DIAPH3: variants seen among roughly 807,000 people sequenced by gnomAD.
DIAPH3 encodes the protein protein diaphanous homolog 3.
DIAPH3 carries 117 observed loss-of-function variants against 144.3 expected under a neutral mutation model. The ratio of observed to expected loss-of-function variants is 0.81; its 90% CI spans 0.70 to 0.95. The LOEUF is 0.95. Among genes scored for constraint, DIAPH3 ranks in the 40% least tolerant of loss-of-function variants. DIAPH3 has a pLI of 0.00. For missense variants in DIAPH3, 1,421 were observed against 1,412.7 expected (o/e 1.01, Z -0.09); for synonymous variants, 519 against 488.9 (o/e 1.06, Z -0.81).
At chr13:59,844,219 T>G (rs985459983) in intron 22 of DIAPH3, among the ~76,000 whole-genome samples, 2 of 152,008 alleles carry the variant, frequency 1.3e-5, no homozygotes, top group African/African-American at 4.8e-5. Flanking sequence ...ATTTTTCACA[T>G]GTATCAGGTT....
intron 12 of DIAPH3, 125 bp from the exon 13 acceptor site, chr13:59,984,012 GAC>G (rs1296466567): frequency 3.0e-6 from 2 of 673,338 alleles, no homozygotes; most frequent in African/African-American, 3.6e-5. Context: ...TTCAATAGTT[GAC>G]ACAACAGATT....
intron 7 of DIAPH3, among the ~76,000 whole-genome samples, chr13:60,011,571 T>C (rs1471953780): frequency 6.6e-6 from 1 of 152,224 alleles, no homozygotes; most frequent in Non-Finnish European, 1.5e-5. Flanking sequence ...TCTTCCTAAA[T>C]AGTTGAAATC....
chr13:59,764,245 G>A (rs2037762645), intron 27 of DIAPH3, among the ~76,000 whole-genome samples: 1 of 151,806 alleles, frequency 6.6e-6, no homozygotes. Flanking sequence ...TGGAAGGGTG[G>A]GAGAAAGGGA....
intron 27 of DIAPH3, among the ~76,000 whole-genome samples, chr13:59,756,398 A>T (rs1429389782): frequency 1.3e-5 from 2 of 150,618 alleles, no homozygotes; most frequent in African/African-American, 4.9e-5. Flanking sequence ...TACATGTGGT[A>T]AATTTAGTAA....
Position 59,829,881 on chromosome 13 carries a change from T to C in DIAPH3, c.3027+3226A>G, listed in dbSNP as rs190408836. Reference sequence around the variant, plus strand: ...GGGAGTAGGTATGGAGTGAAGACAGTGGTTCCAACCCCTGATATGTAATAC... The same window carrying C: ...GGGAGTAGGTATGGAGTGAAGACAGCGGTTCCAACCCCTGATATGTAATAC... On this transcript the variant is annotated intron_variant, in intron 24 of 27. Transcript: ENST00000400324. 1.8e-4 allele frequency among the ~76,000 whole-genome samples: 28 copies of C among 151,988 alleles called. 1 individual carries two copies. The East Asian group carries it at 4.6e-3, about 25-fold the overall frequency.
chr13:60,017,075 T>C (rs1054667375), intron 5 of DIAPH3, among the ~76,000 whole-genome samples: 1 of 152,172 alleles, frequency 6.6e-6, no homozygotes, highest in African/African-American at 2.4e-5. Context: ...ATTTTATATA[T>C]GTGTATGTGT....
intron 17 of DIAPH3, among the ~76,000 whole-genome samples, chr13:59,955,893 C>G (rs1237365900): frequency 1.3e-5 from 2 of 152,190 alleles, no homozygotes; most frequent in Non-Finnish European, 2.9e-5. Context: ...ATCAAAGAGA[C>G]TGGCAGCATT....
At chr13:60,069,758 T>C (rs1032818178) in intron 4 of DIAPH3, among the ~76,000 whole-genome samples, 3 of 152,316 alleles carry the variant, frequency 2.0e-5, no homozygotes, top group African/African-American at 7.2e-5. Context: ...CTCGTTATTG[T>C]CAACTTTGTC....
chr13:59,684,093 G>A (rs888369866), intron 27 of DIAPH3, among the ~76,000 whole-genome samples: 1 of 151,272 alleles, frequency 6.6e-6, no homozygotes, highest in African/African-American at 2.4e-5. Context: ...TGTTATCTGT[G>A]AGACTCTGAC....
At chr13:59,922,901 A>G (rs78468540) in intron 18 of DIAPH3, among the ~76,000 whole-genome samples, 5,580 of 152,250 alleles carry the variant, frequency 0.037, 134 homozygotes, top group East Asian at 0.075. Flanking sequence ...ATTAAACTAT[A>G]TAAACATTAA....
intron 3 of DIAPH3, among the ~76,000 whole-genome samples, chr13:60,109,965 T>A (rs1019989847): frequency 2.0e-5 from 3 of 152,160 alleles, no homozygotes; most frequent in Non-Finnish European, 4.4e-5. Flanking sequence ...TCTTTAAGTA[T>A]AACTAAAAAT....
At chr13:59,981,290 T>C (rs1254537941) in intron 13 of DIAPH3, among the ~76,000 whole-genome samples, 1 of 151,346 alleles carries the variant, frequency 6.6e-6, no homozygotes, top group African/African-American at 2.4e-5. Context: ...CCTAACAATA[T>C]GAAAATTAGC....
intron 27 of DIAPH3, among the ~76,000 whole-genome samples, chr13:59,682,837 G>T (rs1410929941): frequency 6.6e-6 from 1 of 152,054 alleles, no homozygotes; most frequent in Non-Finnish European, 1.5e-5. Flanking sequence ...ATCCTAGTTA[G>T]CCTGGTGTTG....
chr13:59,900,782 C>CA (rs1236627094), intron 20 of DIAPH3, among the ~76,000 whole-genome samples: 1 of 152,176 alleles, frequency 6.6e-6, no homozygotes, highest in Non-Finnish European at 1.5e-5. Flanking sequence ...CTTATACCCC[C>CA]AAATGCATGC....
intron 4 of DIAPH3, among the ~76,000 whole-genome samples, chr13:60,066,776 TA>T (rs1250194386): frequency 2.0e-4 from 31 of 152,334 alleles, no homozygotes; most frequent in Non-Finnish European, 4.4e-5. Flanking sequence ...CTTAAAAATC[TA>T]AAACAGATAT....
intron 27 of DIAPH3, among the ~76,000 whole-genome samples, chr13:59,718,161 G>A (rs892989470): frequency 2.0e-5 from 3 of 149,458 alleles, no homozygotes; most frequent in African/African-American, 5.1e-5. Flanking sequence ...CACAAGGTCA[G>A]ATCCTTGGCC....
At chr13:59,931,680 A>G (rs933257630) in intron 17 of DIAPH3, among the ~76,000 whole-genome samples, 1 of 152,204 alleles carries the variant, frequency 6.6e-6, no homozygotes, top group Non-Finnish European at 1.5e-5. Flanking sequence ...GTATGTATGA[A>G]TTGGCAGAGT....
chr13:59,851,614 T>C (rs754821641), intron 22 of DIAPH3, among the ~76,000 whole-genome samples: 6 of 151,894 alleles, frequency 4.0e-5, no homozygotes, highest in African/African-American at 9.7e-5. Flanking sequence ...AAATGACTGA[T>C]TCAACAATGA....
At chr13:60,163,240 C>G (rs1201381338) in intron 1 of DIAPH3, among the ~76,000 whole-genome samples, 1 of 152,098 alleles carries the variant, frequency 6.6e-6, no homozygotes, top group Non-Finnish European at 1.5e-5. Flanking sequence ...GAAAAAAAAC[C>G]TGTCACCTAA....
Sources: gnomAD v4.1 joint callset for allele counts (sites outside exome capture counted in the v4.1 genomes callset) on GRCh38, gnomAD v4.1.1 for gene constraint, MANE v1.5 for transcripts, NCBI Gene and HGNC (gene_info 2026-07-23, HGNC 2026-07-21) for gene names.